Variants in EBF1 observed in about 807,000 individuals in gnomAD.
EBF1 encodes the protein transcription factor COE1.
EBF1 carries 10 observed loss-of-function variants against 68.4 expected under a neutral mutation model. The ratio of observed to expected loss-of-function variants is 0.15; its 90% CI spans 0.09 to 0.25. The LOEUF is 0.25. Ranked by LOEUF, EBF1 falls within the 10% of genes least tolerant of loss-of-function variation. The probability of loss-of-function intolerance (pLI) is 1.00; values close to 1 mark genes in which losing one functional copy is unlikely to be tolerated. For synonymous variants in EBF1, 298 were observed against 299.8 expected, an observed-to-expected ratio of 0.99 and a Z score of 0.06; for missense variants, 509 against 794.4, an observed-to-expected ratio of 0.64 and a Z score of 4.32.
chr5:159,074,192 T>C (rs1181992296), intron 5 of EBF1, among the ~76,000 whole-genome samples: 1 of 152,168 alleles, frequency 6.6e-6, no homozygotes, highest in Non-Finnish European at 1.5e-5. Flanking sequence ...ACGCTCTTTA[T>C]GTTAGAGAAG....
At chr5:158,956,462 G>GACAC (rs771015482) in intron 6 of EBF1, among the ~76,000 whole-genome samples, 2 of 150,344 alleles carry the variant, frequency 1.3e-5, no homozygotes, top group Middle Eastern at 3.4e-3. Context: ...CGCACACATA[G>GACAC]ACACACACAC....
At position 158,758,732 on chromosome 5, in the gene EBF1, C is replaced by T. The variant is rs115046898; in HGVS notation, c.1036+18681G>A. On this transcript the variant is annotated intron_variant, in intron 10 of 15. Transcript: ENST00000313708. ...TATATATTTATTCAAACTGAGATGACGTGACATCATTTACTGTATTTGTAC... is the reference window on the plus strand; with the variant it reads ...TATATATTTATTCAAACTGAGATGATGTGACATCATTTACTGTATTTGTAC... 4.7e-3 allele frequency among the ~76,000 whole-genome samples: 710 copies of T among 152,180 alleles called. 4 individuals carry two copies. The highest frequency in any genetic ancestry group is 0.016 in the African/African-American group (660 of 41,524).
chr5:158,895,362 A>C lies in EBF1; in HGVS notation c.555-55252T>G, dbSNP rs55877549. The stretch of plus-strand genomic sequence containing the variant: ...GCAACATAGCGAGGCCCTGTCTCAA[A>C]ATAAAATTGTAACGATAATATTTGT... On this transcript the variant is annotated intron_variant, in intron 6 of 15. Coordinates refer to ENST00000313708, the MANE Select transcript of EBF1 (RefSeq NM_024007.5). 4.9e-3 allele frequency among the ~76,000 whole-genome samples: 740 copies of C among 152,330 alleles called. 9 individuals carry two copies. Among genetic ancestry groups the C allele is most frequent in the African/African-American group, 0.017 (711 of 41,578 alleles).
chr5:158,943,331 T>TACACACACAC (rs59821779), intron 6 of EBF1, among the ~76,000 whole-genome samples: 1 of 149,320 alleles, frequency 6.7e-6, no homozygotes, highest in African/African-American at 2.5e-5. Flanking sequence ...GTTTATTGGA[T>TACACACACAC]ACACACACAC....
At chr5:159,090,242 T>TAA (rs11373419) in intron 4 of EBF1, among the ~76,000 whole-genome samples, 79 of 126,340 alleles carry the variant, frequency 6.3e-4, no homozygotes, top group East Asian at 3.9e-3. Context: ...TGTTTGTCAT[T>TAA]AAAAAAAAAA....
chr5:158,906,858 C>A (rs1334414845), intron 6 of EBF1, among the ~76,000 whole-genome samples: 4 of 152,206 alleles, frequency 2.6e-5, no homozygotes, highest in African/African-American at 9.7e-5. Context: ...ACAGTCCCTG[C>A]TCTCACATCC....
chr5:158,911,346 A>C (rs1240054990), intron 6 of EBF1, among the ~76,000 whole-genome samples: 2 of 152,202 alleles, frequency 1.3e-5, no homozygotes, highest in Non-Finnish European at 2.9e-5. Flanking sequence ...GTCAGCCCTC[A>C]GAGGTCAGAG....
intron 6 of EBF1, among the ~76,000 whole-genome samples, chr5:158,953,123 G>A (rs1034905119): frequency 6.6e-6 from 1 of 152,092 alleles, no homozygotes; most frequent in Non-Finnish European, 1.5e-5. Flanking sequence ...TTTATAAGCT[G>A]CACATCTGGG....
At chr5:159,075,481 A>G (rs1482289487) in intron 5 of EBF1, among the ~76,000 whole-genome samples, 1 of 152,178 alleles carries the variant, frequency 6.6e-6, no homozygotes, top group African/African-American at 2.4e-5. Flanking sequence ...AGCTGCCCAC[A>G]GACCTGCCTG....
Position 159,099,526 on chromosome 5 carries a change from TAAAAA to T in EBF1, c.-53_-49del. The T allele has an allele frequency of 9.1e-7, 1 of 1,103,420 alleles. No individual in the cohort carries two copies. Among genetic ancestry groups the T allele is most frequent in the Non-Finnish European group, 1.2e-6 (1 of 852,616 alleles). The allele number at this position is 1,103,420 out of a possible 1,614,324, so 68.4% of individuals were successfully genotyped here. A position where few individuals can be genotyped will look rare whatever the true frequency, so the allele number is the denominator to read the frequency against. ...AAATCTCCTCCCCCTTGAAAAAAAT[TAAAAA>T]AAAAAAAAAAGGAAAGAAAAGAAAG... is the stretch of plus-strand genomic sequence containing the variant. On this transcript the variant is annotated 5_prime_UTR_variant, in exon 1 of 16. Transcript: ENST00000313708.
intron 6 of EBF1, among the ~76,000 whole-genome samples, chr5:159,004,089 C>G (rs1470227851): frequency 6.6e-6 from 1 of 152,052 alleles, no homozygotes; most frequent in Non-Finnish European, 1.5e-5. Context: ...CCAGCCTGGG[C>G]AACATGGTGA....
chr5:159,065,802 T>C lies in EBF1; in HGVS notation c.554+7594A>G, dbSNP rs1776699947. ...TCTGGTTTTTTCCCTGCCCTGGCTC[T>C]GAAAGTGTTAAAGAAAACAATAAAA... On this transcript the variant is annotated intron_variant, in intron 6 of 15. Transcript: ENST00000313708. Among the ~76,000 whole-genome samples, 5 of 152,220 alleles carry C rather than the reference T, an allele frequency of 3.3e-5. No homozygotes were observed. The South Asian group carries it at 1.0e-3, about 31-fold the overall frequency.
intron 6 of EBF1, among the ~76,000 whole-genome samples, chr5:159,029,425 A>G (rs1768337292): frequency 6.6e-6 from 1 of 152,180 alleles, no homozygotes; most frequent in African/African-American, 2.4e-5. Flanking sequence ...AGGCTTTCAA[A>G]GTATTTTCTG....
chr5:159,045,559 A>T (rs1330260562), intron 6 of EBF1, among the ~76,000 whole-genome samples: 1 of 152,182 alleles, frequency 6.6e-6, no homozygotes, highest in African/African-American at 2.4e-5. Flanking sequence ...GACCAGGGTG[A>T]GGGGTGCTTC....
intron 6 of EBF1, among the ~76,000 whole-genome samples, chr5:158,904,791 G>C (rs1804197588): frequency 6.6e-6 from 1 of 152,014 alleles, no homozygotes; most frequent in Non-Finnish European, 1.5e-5. Context: ...GCACATGCTC[G>C]CCGGTCTGCC....
intron 9 of EBF1, among the ~76,000 whole-genome samples, chr5:158,794,166 C>A (rs1779198013): frequency 6.6e-6 from 1 of 152,148 alleles, no homozygotes; most frequent in Non-Finnish European, 1.5e-5. Flanking sequence ...AATGAAGGAG[C>A]ATGCATCCTC....
intron 6 of EBF1, among the ~76,000 whole-genome samples, chr5:158,977,127 C>A (rs1756930973): frequency 2.6e-5 from 4 of 152,266 alleles, no homozygotes; most frequent in Admixed American, 2.0e-4. Context: ...CCAGAGTGAA[C>A]CAACACACCT....
intron 15 of EBF1, among the ~76,000 whole-genome samples, chr5:158,707,043 T>C (rs1177328948): frequency 6.6e-6 from 1 of 152,230 alleles, no homozygotes; most frequent in Non-Finnish European, 1.5e-5. Context: ...ATTTAGGAGA[T>C]GAATGTTTCA....
rs139430557 is a variant in EBF1, at chr5:158,974,230, C to A, written c.554+99166G>T. Among the ~76,000 whole-genome samples the A allele has an allele frequency of 1.7e-3, 259 of 152,266 alleles. 1 individual carries two copies. The highest frequency in any genetic ancestry group is 5.7e-3 in the African/African-American group (236 of 41,538). ...ATGGCAACCTGTGGTTCAGAGAACC[C>A]AATATAATCAGAGCCTTCTCTTTTT... On this transcript the variant is annotated intron_variant, in intron 6 of 15. Coordinates refer to ENST00000313708, the MANE Select transcript of EBF1 (RefSeq NM_024007.5).
Sources: allele counts gnomAD v4.1 joint callset (sites outside exome capture counted in the v4.1 genomes callset), GRCh38; gene constraint gnomAD v4.1.1; transcripts MANE v1.5; gene names NCBI Gene and HGNC (gene_info 2026-07-23, HGNC 2026-07-21).